Variants in ZMYND11 observed in about 807,000 individuals in gnomAD.
The protein encoded by ZMYND11 is zinc finger MYND-type containing 11, also known as zinc finger MYND domain-containing protein 11.
A neutral mutation model predicts 84.9 loss-of-function variants in ZMYND11; 9 were observed. The ratio of observed to expected loss-of-function variants is 0.11; its 90% confidence interval spans 0.06 to 0.18. ZMYND11 has a LOEUF of 0.18. Ranked by LOEUF, ZMYND11 falls within the 10% of genes least tolerant of loss-of-function variation. The pLI is 1.00. For missense variants in ZMYND11, 409 were observed against 761.0 expected, an observed-to-expected ratio of 0.54 and a Z score of 5.44; for synonymous variants, 250 against 244.1, an observed-to-expected ratio of 1.02 and a Z score of -0.23.
At chr10:234,114 T>C (rs1201924011) in intron 4 of ZMYND11, among the ~76,000 whole-genome samples, 3 of 152,250 alleles carry the variant, frequency 2.0e-5, no homozygotes, top group South Asian at 2.1e-4. Flanking sequence ...AATTCTGATA[T>C]AAAATTCTGA....
Position 237,679 on chromosome 10 carries a change from TA to T in ZMYND11, c.609+5del, listed in dbSNP as rs375295839. ...GTGGACGTTCCCACCATTCAAGAGG[TA>T]AAGTCGGTTTCTTTTATTTCCACTT... On this transcript the variant is annotated splice_donor_region_variant and intron_variant, in intron 6 of 14. Coordinates refer to ENST00000381604, the MANE Select transcript of ZMYND11 (RefSeq NM_001370100.5). 8.1e-5 allele frequency: 130 copies of T among 1,601,530 alleles called. No homozygotes were observed. The East Asian group carries it at 1.6e-3, about 20-fold the overall frequency.
intron 3 of ZMYND11, among the ~76,000 whole-genome samples, chr10:211,347 A>G (rs1945193476): frequency 6.6e-6 from 1 of 152,176 alleles, no homozygotes; most frequent in Non-Finnish European, 1.5e-5. Context: ...GTAATTGCAT[A>G]CTTTGAGAGT....
intron 1 of ZMYND11, among the ~76,000 whole-genome samples, chr10:137,948 C>G (rs1836513337): frequency 6.6e-6 from 1 of 152,146 alleles, no homozygotes; most frequent in Non-Finnish European, 1.5e-5. Context: ...AAAACCAACT[C>G]TTCCTTTTAC....
At chr10:150,486 A>G (rs1409703546) in intron 1 of ZMYND11, among the ~76,000 whole-genome samples, 4 of 152,046 alleles carry the variant, frequency 2.6e-5, no homozygotes, top group African/African-American at 7.2e-5. Context: ...AATTGCGTCT[A>G]TTTGATTCTT....
intron 14 of ZMYND11, 103 bp downstream of exon 14, chr10:249,191 G>A: frequency 6.4e-7 from 1 of 1,557,546 alleles, no homozygotes; most frequent in East Asian, 2.3e-5. Context: ...AGATGTTTCT[G>A]AAATAAGATC....
intron 1 of ZMYND11, among the ~76,000 whole-genome samples, chr10:155,573 G>C (rs1554758547): frequency 6.6e-6 from 1 of 152,160 alleles, no homozygotes; most frequent in Non-Finnish European, 1.5e-5. Context: ...AACACAAGTG[G>C]TACTTTTCTA....
chr10:137,620 G>C (rs1554752600), intron 1 of ZMYND11, among the ~76,000 whole-genome samples: 1 of 152,156 alleles, frequency 6.6e-6, no homozygotes, highest in African/African-American at 2.4e-5. Context: ...TTTGAAAGTT[G>C]AAAAGTTAGA....
At chr10:136,519 A>T (rs1836112945) in intron 1 of ZMYND11, among the ~76,000 whole-genome samples, 1 of 152,236 alleles carries the variant, frequency 6.6e-6, no homozygotes, top group Non-Finnish European at 1.5e-5. Context: ...CACGGTGTGT[A>T]CATGTATCTT....
intron 1 of ZMYND11, among the ~76,000 whole-genome samples, chr10:153,977 G>A (rs1373145687): frequency 2.0e-5 from 3 of 152,106 alleles, no homozygotes; most frequent in African/African-American, 7.2e-5. Flanking sequence ...AGCCAAGAAG[G>A]GTTTAACGTT....
intron 2 of ZMYND11, among the ~76,000 whole-genome samples, chr10:185,594 G>A (rs1938095540): frequency 6.6e-6 from 1 of 150,864 alleles, no homozygotes; most frequent in Non-Finnish European, 1.5e-5. Context: ...TGGGTGGATT[G>A]CCTGAGGTCA....
At chr10:172,903 C>T (rs1260154528) in intron 1 of ZMYND11, among the ~76,000 whole-genome samples, 1 of 151,872 alleles carries the variant, frequency 6.6e-6, no homozygotes, top group Admixed American at 6.6e-5. Context: ...ATGGATGGAA[C>T]AGAATAGAGA....
chr10:249,852 A>ATAT, intron 14 of ZMYND11: 1 of 853,474 alleles, frequency 1.2e-6, no homozygotes, highest in Non-Finnish European at 1.4e-6. Flanking sequence ...CATGAAAGAA[A>ATAT]TATTTTTAAA....
intron 2 of ZMYND11, 120 bp from the exon 3 acceptor site, chr10:209,769 C>A: frequency 1.0e-6 from 1 of 953,078 alleles, no homozygotes; most frequent in Non-Finnish European, 1.5e-6. Flanking sequence ...TTCTTTATCT[C>A]AACAGGACTC....
At chr10:239,574 C>A in intron 7 of ZMYND11, 49 bp downstream of exon 7, 1 of 1,250,830 alleles carries the variant, frequency 8.0e-7, no homozygotes, top group Non-Finnish European at 1.2e-6. Context: ...ACACCATTTA[C>A]ATTCCATGTT....
chr10:180,224 A>G, intron 2 of ZMYND11, 96 bp downstream of exon 2: 3 of 840,926 alleles, frequency 3.6e-6, no homozygotes, highest in South Asian at 3.5e-5. Flanking sequence ...TAATCAACAT[A>G]TATTACAAAG....
intron 1 of ZMYND11, among the ~76,000 whole-genome samples, chr10:155,426 A>T (rs1019397193): frequency 3.3e-5 from 5 of 152,164 alleles, no homozygotes; most frequent in Admixed American, 6.5e-5. Flanking sequence ...AAGCAGGAGG[A>T]TCTCTTGAGG....
At chr10:193,319 A>C (rs1400433454) in intron 2 of ZMYND11, among the ~76,000 whole-genome samples, 2 of 152,262 alleles carry the variant, frequency 1.3e-5, no homozygotes, top group Non-Finnish European at 2.9e-5. Flanking sequence ...CTTTTGGGAG[A>C]TATTTTAGGG....
At position 234,982 on chromosome 10, in the gene ZMYND11, A is replaced by ATGTGTGTGTG. The variant is rs60483060; in HGVS notation, c.439-1837_439-1828dup. The stretch of plus-strand genomic sequence containing the variant: ...AGAGGTGCCCGCTAGTATTTCGCAA[A>ATGTGTGTGTG]TGTGTGTGTGTGTGTGTGTGTGTGT... On this transcript the variant is annotated intron_variant, in intron 4 of 14. Transcript: ENST00000381604. Among the ~76,000 whole-genome samples the ATGTGTGTGTG allele has an allele frequency of 8.5e-3, 1,268 of 148,910 alleles. 8 individuals are homozygous for ATGTGTGTGTG. The highest frequency in any genetic ancestry group is 0.023 in the South Asian group (106 of 4,584).
At chr10:132,818 G>A (rs907545542), upstream of ZMYND11, among the ~76,000 whole-genome samples, 2 of 152,128 alleles carry the variant, frequency 1.3e-5, no homozygotes, top group African/African-American at 4.8e-5. Context: ...GTATTCCCAC[G>A]TCTTGGTCCT....
Sources: gnomAD v4.1 joint callset for allele counts (sites outside exome capture counted in the v4.1 genomes callset) on GRCh38, gnomAD v4.1.1 for gene constraint, MANE v1.5 for transcripts, NCBI Gene and HGNC (gene_info 2026-07-23, HGNC 2026-07-21) for gene names.